SYNE2: variants seen among roughly 807,000 people sequenced by gnomAD.
The protein encoded by SYNE2 is nesprin-2.
A neutral mutation model predicts 856.3 loss-of-function variants in SYNE2; 431 were observed. That is an observed-to-expected ratio of 0.50 (90% CI 0.47 to 0.55). SYNE2 has a LOEUF of 0.55. Among genes scored for constraint, SYNE2 ranks in the 20% least tolerant of loss-of-function variants. The pLI is 0.00. For synonymous variants in SYNE2, 2,923 were observed against 2,872.3 expected (o/e 1.02, Z -0.56); for missense variants, 8,129 against 8,023.2 (o/e 1.01, Z -0.50).
Position 63,886,688 on chromosome 14 carries a change from C to T in SYNE2, c.-51-22410C>T, listed in dbSNP as rs150559987. 5.3e-5 allele frequency among the ~76,000 whole-genome samples: 8 copies of T among 152,230 alleles called. No individual in the cohort carries two copies. In the South Asian group the frequency reaches 6.2e-4, roughly 12 times the overall value. On this transcript the variant is annotated intron_variant, in intron 1 of 115. Coordinates refer to ENST00000555002, the MANE Select transcript of SYNE2 (RefSeq NM_182914.3). ...TATTCATTCTCTTTTGAGATGGAGT[C>T]TTGCACTGTTGCCCAGGCTGGAGTG...
At chr14:64,145,564 A>G (rs1186883300) in intron 83 of SYNE2, among the ~76,000 whole-genome samples, 1 of 152,202 alleles carries the variant, frequency 6.6e-6, no homozygotes, top group South Asian at 2.1e-4. Context: ...TATGTAAAAA[A>G]GAATATAAAA....
intron 79 of SYNE2, among the ~76,000 whole-genome samples, chr14:64,138,751 G>A (rs2098115867): frequency 6.6e-6 from 1 of 152,138 alleles, no homozygotes; most frequent in African/African-American, 2.4e-5. Context: ...GGAGAACATA[G>A]AACATTTAAA....
In SYNE2 at chr14:64,174,840, T is replaced by C. The variant is rs547155020; in HGVS notation, c.17236-104T>C. On this transcript the variant is annotated intron_variant, in intron 94 of 115. Transcript: ENST00000555002. ...CCCAATTTGTCTAATTTATATCTAGTTTAACTCTTAAGAAAAGCTCTGAAG... is the reference window on the plus strand; with the variant it reads ...CCCAATTTGTCTAATTTATATCTAGCTTAACTCTTAAGAAAAGCTCTGAAG... 4.6e-5 allele frequency: 49 copies of C among 1,073,592 alleles called. No homozygotes were observed. In the African/African-American group the frequency reaches 7.6e-4, roughly 17 times the overall value. The allele number at this position is 1,073,592 out of a possible 1,614,324, so 66.5% of individuals were successfully genotyped here.
chr14:64,132,538 T>C, intron 77 of SYNE2, 100 bp downstream of exon 77: 4 of 1,467,810 alleles, frequency 2.7e-6, no homozygotes, highest in Non-Finnish European at 3.8e-6. Context: ...CATTAAGCTA[T>C]AGTTAAATGG....
intron 71 of SYNE2, among the ~76,000 whole-genome samples, chr14:64,125,621 G>T (rs914096135): frequency 2.0e-5 from 3 of 152,240 alleles, no homozygotes; most frequent in Admixed American, 1.3e-4. Context: ...GGCCCAAGTT[G>T]GAGTGATGAC....
In SYNE2 at chr14:64,087,704, C is replaced by CT; in HGVS notation, c.11522dup (p.Leu3841PhefsTer16). ...GGAAGATTCAGAACAGAAGCACAAT[C>CT]TTTTACATTCAATCTTTATGGATCT... On this transcript the variant is annotated frameshift_variant, in exon 58 of 116. Coordinates refer to ENST00000555002, the MANE Select transcript of SYNE2 (RefSeq NM_182914.3). LOFTEE classifies it high-confidence loss of function. 1 of 1,614,088 alleles carries CT rather than the reference C, an allele frequency of 6.2e-7. No individual in the cohort carries two copies. The highest frequency in any genetic ancestry group is 8.5e-7 in the Non-Finnish European group (1 of 1,180,004).
At position 64,130,038 on chromosome 14, in the gene SYNE2, C is replaced by T. The variant is rs1448219769; in HGVS notation, c.14140-10C>T. The T allele has an allele frequency of 6.2e-7, 1 of 1,613,480 alleles. No individual in the cohort carries two copies. The highest frequency in any genetic ancestry group is 2.2e-5 in the East Asian group (1 of 44,888). ...AAAATGCATGTGTGCACCTGCTCTTCTCTTTTCAGGATGTACTTGACAGTA... is the reference window on the plus strand; with the variant it reads ...AAAATGCATGTGTGCACCTGCTCTTTTCTTTTCAGGATGTACTTGACAGTA... On this transcript the variant is annotated splice_polypyrimidine_tract_variant and intron_variant, in intron 75 of 115. Transcript: ENST00000555002.
chr14:63,872,389 G>T (rs1425199181), intron 1 of SYNE2, among the ~76,000 whole-genome samples: 1 of 150,830 alleles, frequency 6.6e-6, no homozygotes, highest in Admixed American at 6.6e-5. Flanking sequence ...AAGATGGTTT[G>T]TCACTGCACT....
rs368529982 is a variant in SYNE2, at chr14:63,775,592, A to G, written c.-305+13606A>G. Among the ~76,000 whole-genome samples, 112 of 151,660 alleles carry G rather than the reference A, an allele frequency of 7.4e-4. 1 individual carries two copies. In the South Asian group the frequency reaches 0.016, roughly 22 times the overall value. ...TGCCAGACCTATTTTATTTATTACT[A>G]TTTTTTGAGACAGGGTCTCACTCTG... On this transcript the variant is annotated intron_variant, in intron 1 of 23. Coordinates refer to the SYNE2 transcript ENST00000674003.
intron 45 of SYNE2, among the ~76,000 whole-genome samples, chr14:64,044,662 A>G (rs2097172971): frequency 6.6e-6 from 1 of 152,134 alleles, no homozygotes; most frequent in Non-Finnish European, 1.5e-5. Flanking sequence ...TGATTGAATT[A>G]TGGGGGTGGA....
chr14:64,219,486 C>T (rs2098684332), intron 110 of SYNE2, 76 bp downstream of exon 110: 9 of 1,466,690 alleles, frequency 6.1e-6, no homozygotes, highest in Non-Finnish European at 7.6e-6. Context: ...ACGAGCAGAT[C>T]CCATGTATTC....
rs201056822 is a variant in SYNE2, at chr14:64,208,838, C to T, written c.18282C>T (p.Ser6094=). Residue 6094 remains serine (S), a synonymous_variant, in exon 101 of 116, where the codon TCC becomes TCT. Transcript: ENST00000555002. ...TCTGTGACGTCCTACTGCACGACTCCGATGCCTGTGCAAATGAGACCGAGT... is the reference window on the plus strand; with the variant it reads ...TCTGTGACGTCCTACTGCACGACTCTGATGCCTGTGCAAATGAGACCGAGT... ...FNICDVLLHD[S]DACANETECD... 51 of 1,614,198 alleles carry T rather than the reference C, an allele frequency of 3.2e-5. No individual in the cohort carries two copies. In the East Asian group the frequency reaches 4.7e-4, roughly 15 times the overall value.
intron 1 of SYNE2, among the ~76,000 whole-genome samples, chr14:63,797,994 T>C (rs1036762680): frequency 6.6e-6 from 1 of 152,260 alleles, no homozygotes; most frequent in African/African-American, 2.4e-5. Context: ...ATTCAGTGGC[T>C]AGATATATTC....
intron 34 of SYNE2, among the ~76,000 whole-genome samples, chr14:64,019,694 G>A (rs1000789266): frequency 6.6e-6 from 1 of 152,122 alleles, no homozygotes; most frequent in South Asian, 2.1e-4. Flanking sequence ...CACACACGGG[G>A]TATGCAATTT....
intron 57 of SYNE2, among the ~76,000 whole-genome samples, chr14:64,083,399 T>C (rs534901939): frequency 6.7e-6 from 1 of 148,820 alleles, no homozygotes; most frequent in South Asian, 2.1e-4. Context: ...ATGCTTATTA[T>C]GAGTTAAAAA....
intron 7 of SYNE2, among the ~76,000 whole-genome samples, chr14:63,953,620 G>A (rs1226802535): frequency 1.3e-5 from 2 of 152,128 alleles, no homozygotes; most frequent in Non-Finnish European, 2.9e-5. Context: ...CTGCCACTTT[G>A]ACCATTTTTA....
chr14:64,184,644 C>G (rs1410515730), intron 96 of SYNE2, among the ~76,000 whole-genome samples: 1 of 152,090 alleles, frequency 6.6e-6, no homozygotes, highest in Non-Finnish European at 1.5e-5. Flanking sequence ...AGTGGTACAC[C>G]TCAGCTGGCA....
intron 51 of SYNE2, 35 bp downstream of exon 51, chr14:64,065,685 C>G (rs75308395): frequency 3.1e-6 from 5 of 1,607,964 alleles, no homozygotes; most frequent in Non-Finnish European, 4.3e-6. Context: ...CATGTAGTTT[C>G]TAACATGTTA....
intron 100 of SYNE2, chr14:64,208,082 C>A: frequency 2.2e-6 from 1 of 455,826 alleles, no homozygotes; most frequent in Non-Finnish European, 4.4e-6. Context: ...GTTATTTTTC[C>A]CAAATTGGGG....
Sources: allele counts gnomAD v4.1 joint callset (sites outside exome capture counted in the v4.1 genomes callset), GRCh38; gene constraint gnomAD v4.1.1; transcripts MANE v1.5; gene names NCBI Gene and HGNC (gene_info 2026-07-23, HGNC 2026-07-21).